BORCS5: variants seen among roughly 807,000 people sequenced by gnomAD.
The protein encoded by BORCS5 is BLOC-1-related complex subunit 5.
A neutral mutation model predicts 22.1 loss-of-function variants in BORCS5; 17 were observed. The observed-to-expected ratio is 0.77, with a 90% CI of 0.53 to 1.15. The LOEUF (loss-of-function observed/expected upper bound fraction) is 1.15, where lower values mean the gene tolerates loss of function less well. Among genes scored for constraint, BORCS5 ranks in the 50% most tolerant of loss-of-function variants. The pLI is 0.00. For synonymous variants in BORCS5, 117 were observed against 99.8 expected (o/e 1.17, Z -1.03); for missense variants, 247 against 253.2 (o/e 0.98, Z 0.17).
chr12:12,440,082 C>T (rs1347911716), intron 3 of BORCS5, among the ~76,000 whole-genome samples: 3 of 152,176 alleles, frequency 2.0e-5, no homozygotes, highest in Non-Finnish European at 4.4e-5. Context: ...TAACCGGGAT[C>T]AACTAGAGGT....
intron 1 of BORCS5, among the ~76,000 whole-genome samples, chr12:12,360,569 T>A (rs1294968116): frequency 6.4e-5 from 2 of 31,458 alleles, no homozygotes; most frequent in African/African-American, 1.8e-4. Context: ...TAAAAGAAAT[T>A]TTTTTTTTTT....
intron 3 of BORCS5, among the ~76,000 whole-genome samples, chr12:12,463,147 G>A (rs1388287543): frequency 6.6e-6 from 1 of 152,220 alleles, no homozygotes; most frequent in Non-Finnish European, 1.5e-5. Flanking sequence ...TGAGATACTG[G>A]TTTACTGCCT....
chr12:12,457,100 C>A (rs968309041), intron 3 of BORCS5, among the ~76,000 whole-genome samples: 5 of 152,300 alleles, frequency 3.3e-5, no homozygotes, highest in Admixed American at 2.0e-4. Flanking sequence ...TTTCAGTTCA[C>A]ATATATTTTA....
intron 3 of BORCS5, among the ~76,000 whole-genome samples, chr12:12,438,863 T>C (rs1174856258): frequency 1.3e-5 from 2 of 152,244 alleles, no homozygotes; most frequent in African/African-American, 2.4e-5. Flanking sequence ...AAATAACTTT[T>C]AAATTTGAAT....
chr12:12,422,765 A>T (rs1485583135), intron 2 of BORCS5, among the ~76,000 whole-genome samples: 7 of 152,150 alleles, frequency 4.6e-5, no homozygotes, highest in Non-Finnish European at 1.0e-4. Context: ...GTGTGTCCAA[A>T]ATATAAACTA....
chr12:12,405,858 G>A (rs1363879952), intron 2 of BORCS5, among the ~76,000 whole-genome samples: 1 of 152,196 alleles, frequency 6.6e-6, no homozygotes, highest in Non-Finnish European at 1.5e-5. Context: ...GCTGATTTAA[G>A]CAGATAAAGA....
intron 2 of BORCS5, among the ~76,000 whole-genome samples, chr12:12,406,777 G>A (rs1941605833): frequency 6.6e-6 from 1 of 151,128 alleles, no homozygotes; most frequent in Admixed American, 6.6e-5. Flanking sequence ...TCAAACTACT[G>A]TGAGCATGTG....
At chr12:12,363,084 C>G (rs1863327699) in intron 2 of BORCS5, among the ~76,000 whole-genome samples, 1 of 151,774 alleles carries the variant, frequency 6.6e-6, no homozygotes. Flanking sequence ...TCACTTGAGT[C>G]CAACAGTTCA....
In BORCS5 at chr12:12,446,181, T is replaced by G. The variant is rs1298875413; in HGVS notation, c.360+10396T>G. Among the ~76,000 whole-genome samples the G allele has an allele frequency of 2.0e-5, 3 of 151,820 alleles. No homozygotes were observed. The South Asian group carries it at 6.2e-4, about 32-fold the overall frequency. ...ACAAGAATCCCTCCTTCAGAGACCT[T>G]ACATTCCATTGTGGACACAGACAAT... On this transcript the variant is annotated intron_variant, in intron 3 of 3. Transcript: ENST00000314565.
chr12:12,360,886 A>G (rs929862456), intron 1 of BORCS5, among the ~76,000 whole-genome samples: 15 of 151,862 alleles, frequency 9.9e-5, no homozygotes, highest in African/African-American at 2.9e-4. Flanking sequence ...ATGCCCCGCT[A>G]ATTTTTGTGT....
chr12:12,360,567 ATTTTTTTT>A (rs35965943), intron 1 of BORCS5, among the ~76,000 whole-genome samples: 3 of 89,230 alleles, frequency 3.4e-5, no homozygotes, highest in South Asian at 5.3e-4. Context: ...ATTAAAAGAA[ATTTTTTTT>A]TTTTTTTTTT....
intron 3 of BORCS5, among the ~76,000 whole-genome samples, chr12:12,437,955 C>T (rs1942588698): frequency 1.3e-5 from 2 of 152,004 alleles, no homozygotes; most frequent in Non-Finnish European, 2.9e-5. Flanking sequence ...TTTCAAACTC[C>T]TCAGCTCAAG....
chr12:12,438,787 C>G (rs1208248381), intron 3 of BORCS5, among the ~76,000 whole-genome samples: 1 of 152,094 alleles, frequency 6.6e-6, no homozygotes, highest in Non-Finnish European at 1.5e-5. Flanking sequence ...TATAGTAAAT[C>G]CCCAGACATT....
At chr12:12,451,952 CAGCATTG>C (rs1353059467) in intron 3 of BORCS5, among the ~76,000 whole-genome samples, 1 of 149,124 alleles carries the variant, frequency 6.7e-6, no homozygotes, top group Admixed American at 6.7e-5. Context: ...AAAAGGAAAG[CAGCATTG>C]AACTTTCATA....
chr12:12,431,524 C>A (rs1348494364), intron 2 of BORCS5, among the ~76,000 whole-genome samples: 2 of 151,222 alleles, frequency 1.3e-5, no homozygotes, highest in Admixed American at 1.3e-4. Context: ...GCCTCAGCCT[C>A]CTGAGTAGCT....
At chr12:12,432,089 C>T (rs1942445078) in intron 2 of BORCS5, among the ~76,000 whole-genome samples, 1 of 152,184 alleles carries the variant, frequency 6.6e-6, no homozygotes, top group Non-Finnish European at 1.5e-5. Context: ...CCTGGGGTCT[C>T]TGCAGGTTTT....
intron 2 of BORCS5, among the ~76,000 whole-genome samples, chr12:12,379,730 A>G (rs185547057): frequency 3.3e-5 from 5 of 151,440 alleles, no homozygotes; most frequent in Admixed American, 2.0e-4. Flanking sequence ...AGCTAGTTTG[A>G]TTGTCTATCC....
At chr12:12,419,656 C>A (rs953652504) in intron 2 of BORCS5, among the ~76,000 whole-genome samples, 1 of 152,204 alleles carries the variant, frequency 6.6e-6, no homozygotes, top group Non-Finnish European at 1.5e-5. Flanking sequence ...ATTACACTCC[C>A]ACCAACGGTG....
At chr12:12,387,834 CAT>C (rs1355817855) in intron 2 of BORCS5, among the ~76,000 whole-genome samples, 2 of 151,436 alleles carry the variant, frequency 1.3e-5, no homozygotes, top group Admixed American at 1.3e-4. Context: ...TTCAGTGTCA[CAT>C]GTAGCCTCAG....
Sources: gnomAD v4.1 joint callset for allele counts (sites outside exome capture counted in the v4.1 genomes callset) on GRCh38, gnomAD v4.1.1 for gene constraint, MANE v1.5 for transcripts, NCBI Gene and HGNC (gene_info 2026-07-23, HGNC 2026-07-21) for gene names.